INPP4B: variants seen among roughly 807,000 people sequenced by gnomAD.
The protein encoded by INPP4B is inositol polyphosphate 4-phosphatase type II.
Under a neutral mutation model 122.5 loss-of-function variants are expected in INPP4B, and 55 were observed. The ratio of observed to expected loss-of-function variants is 0.45; its 90% CI spans 0.36 to 0.56. The LOEUF (loss-of-function observed/expected upper bound fraction) is 0.56, where lower values mean the gene tolerates loss of function less well. Among genes scored for constraint, INPP4B ranks in the 20% least tolerant of loss-of-function variants. The pLI, the probability that INPP4B is intolerant of heterozygous loss-of-function variation, is 0.00. For synonymous variants in INPP4B, 403 were observed against 388.7 expected, an observed-to-expected ratio of 1.04 and a Z score of -0.43; for missense variants, 1,000 against 1,097.7, an observed-to-expected ratio of 0.91 and a Z score of 1.26.
chr4:142,055,193 G>A lies in INPP4B; in HGVS notation c.2643-26279C>T, dbSNP rs180967210. On this transcript the variant is annotated intron_variant, in intron 25 of 25. Coordinates refer to ENST00000262992, the MANE Select transcript of INPP4B (RefSeq NM_001101669.3). ...GCATGGAGAAAACAACCAAGAACAC[G>A]CTTTTCAATAGTGTGATACATTAAA... Among the ~76,000 whole-genome samples, 33 of 152,130 alleles carry A rather than the reference G, an allele frequency of 2.2e-4. 1 individual carries two copies. The highest frequency in any genetic ancestry group is 5.9e-4 in the Admixed American group (9 of 15,262).
intron 24 of INPP4B, among the ~76,000 whole-genome samples, chr4:142,084,506 A>C (rs1178758018): frequency 6.6e-6 from 1 of 152,226 alleles, no homozygotes; most frequent in East Asian, 1.9e-4. Flanking sequence ...AATAAAATAA[A>C]AACAAATATT....
Position 142,302,007 on chromosome 4 carries a change from A to G in INPP4B, c.503+3451T>C, listed in dbSNP as rs531454958. On this transcript the variant is annotated intron_variant, in intron 9 of 25. Coordinates refer to ENST00000262992, the MANE Select transcript of INPP4B (RefSeq NM_001101669.3). ...CATCAACTTATAAGACATTATTACA[A>G]TGTTCCAAAGTTCTGCTTAACTGGT... Among the ~76,000 whole-genome samples the G allele has an allele frequency of 2.6e-4, 39 of 152,172 alleles. 1 individual carries two copies. Among genetic ancestry groups the G allele is most frequent in the African/African-American group, 7.0e-4 (29 of 41,508 alleles).
chr4:142,777,729 G>T (rs138247849), intron 1 of INPP4B, among the ~76,000 whole-genome samples: 96 of 152,292 alleles, frequency 6.3e-4, no homozygotes, highest in Admixed American at 1.3e-3. Context: ...CTTCTTCTGA[G>T]GGAGCCACAT....
chr4:142,214,156 A>T (rs544990551), intron 12 of INPP4B, among the ~76,000 whole-genome samples: 5 of 152,200 alleles, frequency 3.3e-5, no homozygotes, highest in Non-Finnish European at 5.9e-5. Context: ...GTGTCCCATC[A>T]TCAAGGGTTC....
rs142477683 is a variant in INPP4B at position 142,122,184 on chromosome 4, T to C, written c.2079A>G (p.Ala693=). Residue 693 remains alanine (A), a synonymous_variant, in exon 21 of 26, where the codon GCA becomes GCG. Coordinates refer to ENST00000262992, the MANE Select transcript of INPP4B (RefSeq NM_001101669.3). Reference sequence around the variant, plus strand: ...TGGATTTGGCTTCAATTATTTTAAATGCAACTTTCTTTAAATCGGAAATGC... The same window carrying C: ...TGGATTTGGCTTCAATTATTTTAAACGCAACTTTCTTTAAATCGGAAATGC... ...AVGISDLKKV[A]FKIIEAKSND... 17 of 1,612,250 alleles carry C rather than the reference T, an allele frequency of 1.1e-5. No homozygotes were observed. In the African/African-American group the frequency reaches 2.0e-4, roughly 19 times the overall value.
chr4:142,257,908 C>G (rs1737255818), intron 11 of INPP4B, among the ~76,000 whole-genome samples: 1 of 152,114 alleles, frequency 6.6e-6, no homozygotes, highest in Non-Finnish European at 1.5e-5. Context: ...AATCCTAAGC[C>G]AAAAGAACAA....
At chr4:142,668,378 A>G (rs1222449713) in intron 2 of INPP4B, among the ~76,000 whole-genome samples, 1 of 152,132 alleles carries the variant, frequency 6.6e-6, no homozygotes, top group East Asian at 1.9e-4. Context: ...ACATATGACA[A>G]AACTCCAGGT....
At chr4:142,318,270 G>A (rs983133003) in intron 7 of INPP4B, among the ~76,000 whole-genome samples, 8 of 152,068 alleles carry the variant, frequency 5.3e-5, no homozygotes, top group African/African-American at 1.9e-4. Flanking sequence ...GAAAGAAGGA[G>A]TGGAAGGCAG....
At chr4:142,702,897 A>T (rs1395104723) in intron 2 of INPP4B, among the ~76,000 whole-genome samples, 1 of 152,190 alleles carries the variant, frequency 6.6e-6, no homozygotes, top group Non-Finnish European at 1.5e-5. Context: ...AACATTGAAG[A>T]TGTTTTTATC....
At chr4:142,584,398 G>A (rs549103052) in intron 2 of INPP4B, among the ~76,000 whole-genome samples, 13 of 152,020 alleles carry the variant, frequency 8.6e-5, no homozygotes, top group East Asian at 3.9e-4. Flanking sequence ...TCTGTTTTAC[G>A]ATTCCATCCC....
intron 2 of INPP4B, among the ~76,000 whole-genome samples, chr4:142,708,421 G>A (rs1435791730): frequency 2.6e-5 from 4 of 152,168 alleles, no homozygotes; most frequent in Non-Finnish European, 5.9e-5. Flanking sequence ...CTTCAAGGCA[G>A]CCTCTCCCAT....
chr4:142,464,144 CT>C, intron 2 of INPP4B, among the ~76,000 whole-genome samples: 1 of 152,184 alleles, frequency 6.6e-6, no homozygotes, highest in South Asian at 2.1e-4. Flanking sequence ...GGGCATTTTA[CT>C]ACTATATATC....
chr4:142,306,773 G>T (rs998860788), intron 8 of INPP4B, among the ~76,000 whole-genome samples: 2 of 152,160 alleles, frequency 1.3e-5, no homozygotes, highest in African/African-American at 4.8e-5. Context: ...GACCCTGGAG[G>T]CTGAGGCAGG....
At chr4:142,139,589 G>C (rs1452278406) in intron 18 of INPP4B, among the ~76,000 whole-genome samples, 1 of 152,170 alleles carries the variant, frequency 6.6e-6, no homozygotes, top group African/African-American at 2.4e-5. Flanking sequence ...TTACAGTCGT[G>C]AGCCACCCTG....
At chr4:142,160,735 G>A (rs1163863501) in intron 16 of INPP4B, among the ~76,000 whole-genome samples, 174 bp from the exon 17 acceptor site, 1 of 151,972 alleles carries the variant, frequency 6.6e-6, no homozygotes, top group Non-Finnish European at 1.5e-5. Context: ...TTTGGTTCTG[G>A]GATGCTGCCA....
intron 1 of INPP4B, chr4:142,768,054 C>T (rs981444412): frequency 6.6e-6 from 1 of 152,152 alleles, no homozygotes; most frequent in African/African-American, 2.4e-5. Flanking sequence ...GTCACAGTGA[C>T]ACAGGGCACT....
chr4:142,399,191 T>TTC (rs1800780514), intron 7 of INPP4B, among the ~76,000 whole-genome samples: 1 of 51,796 alleles, frequency 1.9e-5, no homozygotes, highest in Non-Finnish European at 3.5e-5. Flanking sequence ...TCCTTTTGCT[T>TTC]TTTTTTTTTT....
At chr4:142,735,983 T>G (rs1243814542) in intron 1 of INPP4B, among the ~76,000 whole-genome samples, 1 of 150,888 alleles carries the variant, frequency 6.6e-6, no homozygotes, top group African/African-American at 2.4e-5. Flanking sequence ...CACTATTCTC[T>G]GAATTGCATT....
intron 2 of INPP4B, among the ~76,000 whole-genome samples, chr4:142,545,719 A>ATACACATATGTG (rs1829492940): frequency 7.9e-6 from 1 of 127,388 alleles, no homozygotes; most frequent in Non-Finnish European, 1.6e-5. Flanking sequence ...GTGTGTGTAT[A>ATACACATATGTG]TGTGTGTATA....
Sources: allele counts gnomAD v4.1 joint callset (sites outside exome capture counted in the v4.1 genomes callset), GRCh38; gene constraint gnomAD v4.1.1; transcripts MANE v1.5; gene names NCBI Gene and HGNC (gene_info 2026-07-23, HGNC 2026-07-21).